The following GRIK2 variants were observed in gnomAD, a reference collection of about 807,000 sequenced individuals.
GRIK2 encodes glutamate ionotropic receptor kainate type subunit 2.
GRIK2 carries 32 observed loss-of-function variants against 100.3 expected under a neutral mutation model. The ratio of observed to expected loss-of-function variants is 0.32; its 90% CI spans 0.24 to 0.43. GRIK2 has a LOEUF of 0.43. Ranked by LOEUF, GRIK2 falls within the 20% of genes least tolerant of loss-of-function variation. The pLI is 1.00. For missense variants in GRIK2, 843 were observed against 1,114.9 expected (o/e 0.76, Z 3.47); for synonymous variants, 417 against 389.4 (o/e 1.07, Z -0.83).
At chr6:101,765,270 G>A (rs1026939450) in intron 7 of GRIK2, among the ~76,000 whole-genome samples, 4 of 152,042 alleles carry the variant, frequency 2.6e-5, no homozygotes, top group East Asian at 1.9e-4. Flanking sequence ...TTTACTGGGC[G>A]TGAACTCCAT....
chr6:101,564,201 A>T (rs1004688654), intron 2 of GRIK2, among the ~76,000 whole-genome samples: 3 of 152,114 alleles, frequency 2.0e-5, no homozygotes, highest in African/African-American at 4.8e-5. Flanking sequence ...AAGCATTTAC[A>T]TTTCTTTCTT....
At chr6:101,589,042 G>C (rs1582779697) in intron 2 of GRIK2, among the ~76,000 whole-genome samples, 1 of 152,070 alleles carries the variant, frequency 6.6e-6, no homozygotes, top group South Asian at 2.1e-4. Context: ...TTAATAAAGA[G>C]TGATTGGGTG....
chr6:101,875,744 C>T (rs893264162), intron 11 of GRIK2, among the ~76,000 whole-genome samples: 1 of 151,522 alleles, frequency 6.6e-6, no homozygotes, highest in Admixed American at 6.6e-5. Context: ...AAATTTTAAC[C>T]AGCAAAGTTA....
At chr6:101,506,282 G>C (rs187215241) in intron 2 of GRIK2, among the ~76,000 whole-genome samples, 1 of 152,052 alleles carries the variant, frequency 6.6e-6, no homozygotes, top group Non-Finnish European at 1.5e-5. Context: ...CCAAGTAAAA[G>C]AAGTTGGACT....
At chr6:101,425,104 T>C (rs1776633684) in intron 2 of GRIK2, among the ~76,000 whole-genome samples, 1 of 151,024 alleles carries the variant, frequency 6.6e-6, no homozygotes, top group Non-Finnish European at 1.5e-5. Flanking sequence ...TTTGCTATTG[T>C]GAATAGTGCC....
At chr6:101,707,628 G>A (rs1582998425) in intron 7 of GRIK2, among the ~76,000 whole-genome samples, 6 of 124,670 alleles carry the variant, frequency 4.8e-5, no homozygotes, top group Admixed American at 8.0e-5. Context: ...ATATATATAT[G>A]AATTGTGATA....
At chr6:101,426,089 C>T (rs562180904) in intron 2 of GRIK2, among the ~76,000 whole-genome samples, 65 of 152,300 alleles carry the variant, frequency 4.3e-4, no homozygotes, top group African/African-American at 1.4e-3. Context: ...TACATCTTTT[C>T]GCTAAGCATT....
At chr6:101,586,286 A>G (rs780645112) in intron 2 of GRIK2, among the ~76,000 whole-genome samples, 2 of 152,198 alleles carry the variant, frequency 1.3e-5, no homozygotes, top group African/African-American at 2.4e-5. Flanking sequence ...ACCCAAGAGT[A>G]TGAATCGAAA....
intron 16 of GRIK2, chr6:102,065,877 A>G: frequency 6.9e-7 from 1 of 1,454,628 alleles, no homozygotes; most frequent in South Asian, 1.4e-5. Flanking sequence ...TGTTGTCATC[A>G]TCACCATCTT....
chr6:101,917,157 A>T (rs1375039828), intron 12 of GRIK2, among the ~76,000 whole-genome samples: 2 of 151,708 alleles, frequency 1.3e-5, no homozygotes, highest in African/African-American at 4.8e-5. Flanking sequence ...GGTTAAACTA[A>T]TAGTAATTTC....
intron 2 of GRIK2, among the ~76,000 whole-genome samples, chr6:101,515,491 C>T (rs1357709295): frequency 1.3e-5 from 2 of 152,126 alleles, no homozygotes; most frequent in African/African-American, 2.4e-5. Context: ...GGAAGCTCCA[C>T]ACGGTTTTCT....
chr6:101,817,500 A>T (rs572687949), intron 9 of GRIK2, among the ~76,000 whole-genome samples: 1 of 152,294 alleles, frequency 6.6e-6, no homozygotes, highest in South Asian at 2.1e-4. Context: ...AAAAGAACTG[A>T]TTTCACATCT....
At chr6:101,503,062 G>C (rs1167716566) in intron 2 of GRIK2, among the ~76,000 whole-genome samples, 7 of 152,100 alleles carry the variant, frequency 4.6e-5, no homozygotes, top group African/African-American at 1.7e-4. Context: ...ACCAAATAGG[G>C]GAAAACCAGG....
chr6:101,906,710 G>A (rs891643771), intron 12 of GRIK2, among the ~76,000 whole-genome samples: 1 of 151,622 alleles, frequency 6.6e-6, no homozygotes, highest in Non-Finnish European at 1.5e-5. Context: ...TGGTATATTT[G>A]TCTATAATGT....
intron 7 of GRIK2, among the ~76,000 whole-genome samples, chr6:101,774,701 A>T (rs1021484232): frequency 6.6e-6 from 1 of 152,164 alleles, no homozygotes; most frequent in African/African-American, 2.4e-5. Flanking sequence ...CTGTCCTTTA[A>T]TCATTTATAT....
chr6:101,412,861 A>G (rs1254832284), intron 2 of GRIK2, among the ~76,000 whole-genome samples: 2 of 152,040 alleles, frequency 1.3e-5, no homozygotes, highest in Non-Finnish European at 1.5e-5. Context: ...TGATATACGT[A>G]AATGTAGAAT....
At chr6:101,610,644 A>G (rs983980837) in intron 2 of GRIK2, among the ~76,000 whole-genome samples, 1 of 151,788 alleles carries the variant, frequency 6.6e-6, no homozygotes, top group Admixed American at 6.6e-5. Flanking sequence ...TAGAATCATT[A>G]AAGTGTTATA....
chr6:101,955,963 C>T (rs1180383364), intron 14 of GRIK2, among the ~76,000 whole-genome samples: 1 of 151,566 alleles, frequency 6.6e-6, no homozygotes, highest in Non-Finnish European at 1.5e-5. Context: ...CTTCTTTTTC[C>T]ACTGCTTTAT....
intron 2 of GRIK2, among the ~76,000 whole-genome samples, chr6:101,456,211 T>G (rs183879653): frequency 3.0e-4 from 45 of 152,106 alleles, no homozygotes; most frequent in Admixed American, 2.6e-3. Flanking sequence ...ATTATAATTT[T>G]GGTGACATAT....
Sources: allele counts gnomAD v4.1 joint callset (sites outside exome capture counted in the v4.1 genomes callset), GRCh38; gene constraint gnomAD v4.1.1; transcripts MANE v1.5; gene names NCBI Gene and HGNC (gene_info 2026-07-23, HGNC 2026-07-21).